Variants in PURG observed in about 807,000 individuals in gnomAD.
PURG encodes the protein purine-rich element-binding protein gamma.
Under a neutral mutation model 24.3 loss-of-function variants are expected in PURG, and 3 were observed. That is an observed-to-expected ratio of 0.12 (90% CI 0.06 to 0.32). The LOEUF is 0.32. Among genes scored for constraint, PURG ranks in the 10% least tolerant of loss-of-function variants. The pLI is 1.00. For synonymous variants in PURG, 180 were observed against 173.1 expected, an observed-to-expected ratio of 1.04 and a Z score of -0.31; for missense variants, 371 against 439.1, an observed-to-expected ratio of 0.84 and a Z score of 1.39.
chr8:31,016,223 T>C (rs1221997190), intron 1 of PURG, among the ~76,000 whole-genome samples: 1 of 149,982 alleles, frequency 6.7e-6, no homozygotes, highest in Non-Finnish European at 1.5e-5. Flanking sequence ...CTATCAAAAA[T>C]ACAAAAATTA....
chr8:31,000,226 G>A (rs961979213), intron 1 of PURG, among the ~76,000 whole-genome samples: 16 of 151,998 alleles, frequency 1.1e-4, no homozygotes, highest in Admixed American at 3.9e-4. Context: ...AATGTTCAGA[G>A]ATAATATAAT....
Position 31,012,887 on chromosome 8 carries a change from A to T in PURG, c.865-16190T>A, listed in dbSNP as rs1181546338. On this transcript the variant is annotated intron_variant, in intron 1 of 1. Transcript: ENST00000339382. Reference sequence around the variant, plus strand: ...TAGTAGTCCAAATAATACACAACTAATTTTTGGAGTTTATTAATTATAGCA... The same window carrying T: ...TAGTAGTCCAAATAATACACAACTATTTTTTGGAGTTTATTAATTATAGCA... 4.6e-5 allele frequency among the ~76,000 whole-genome samples: 7 copies of T among 152,208 alleles called. No homozygotes were observed. In the South Asian group the frequency reaches 6.2e-4, roughly 13 times the overall value.
chr8:30,998,989 T>G (rs1328240178), intron 1 of PURG, among the ~76,000 whole-genome samples: 2 of 151,902 alleles, frequency 1.3e-5, no homozygotes, highest in Admixed American at 6.6e-5. Context: ...TATTTATTTT[T>G]ATTTTGTTTC....
At chr8:31,012,128 G>C (rs1339665523) in intron 1 of PURG, among the ~76,000 whole-genome samples, 1 of 152,214 alleles carries the variant, frequency 6.6e-6, no homozygotes, top group Non-Finnish European at 1.5e-5. Flanking sequence ...CCAGTGCAAG[G>C]TGGAGAGGGG....
In PURG at chr8:31,033,350, C is replaced by A. The variant is rs1013171204; in HGVS notation, c.-279G>T. The A allele has an allele frequency of 6.4e-6, 1 of 155,326 alleles. No individual in the cohort carries two copies. Among genetic ancestry groups the A allele is most frequent in the Non-Finnish European group, 1.4e-5 (1 of 70,902 alleles). The allele number at this position is 155,326 out of a possible 1,614,324, so 9.6% of individuals were successfully genotyped here. ...CGCCAGGAGGGGAGGGAAGGGGAGGCGGGGAGAGCGACGGCGGGGGGCGGG... is the reference window on the plus strand; with the variant it reads ...CGCCAGGAGGGGAGGGAAGGGGAGGAGGGGAGAGCGACGGCGGGGGGCGGG... On this transcript the variant is annotated 5_prime_UTR_variant, in exon 1 of 2. Transcript: ENST00000523392.
intron 1 of PURG, among the ~76,000 whole-genome samples, chr8:31,010,229 G>A (rs142238863): frequency 6.6e-6 from 1 of 152,326 alleles, no homozygotes; most frequent in East Asian, 1.9e-4. Context: ...CACTTTTAGA[G>A]GGCTATTCTG....
chr8:31,009,287 G>A (rs1183524133), intron 1 of PURG, among the ~76,000 whole-genome samples: 3 of 152,104 alleles, frequency 2.0e-5, no homozygotes, highest in Non-Finnish European at 2.9e-5. Context: ...TTAGCTGGGC[G>A]TGGTGACATA....
chr8:31,010,154 G>A (rs895776903), intron 1 of PURG, among the ~76,000 whole-genome samples: 8 of 152,128 alleles, frequency 5.3e-5, no homozygotes, highest in African/African-American at 4.8e-5. Flanking sequence ...AGATTTACTC[G>A]CTGTTTAATT....
Position 31,032,921 on chromosome 8 carries a change from G to T in PURG, c.-6-133C>A. On this transcript the variant is annotated intron_variant, in intron 1 of 1. Transcript: ENST00000523392. The surrounding 1 kb of genome is among the most constrained non-coding windows in gnomAD (Gnocchi z 5.9). ...CGGGCCCGGCTCCCCCGGCGCCGCA[G>T]CGCGGGGCTCCAGCCACTGCCGGCC... 1.8e-6 allele frequency: 1 copy of T among 551,434 alleles called. No individual in the cohort carries two copies. The highest frequency in any genetic ancestry group is 2.5e-6 in the Non-Finnish European group (1 of 404,440). 34.2% of individuals were successfully genotyped at this position (551,434 alleles called of 1,614,324 possible). A position where few individuals can be genotyped will look rare whatever the true frequency, so the allele number is the denominator to read the frequency against.
chr8:31,009,917 T>G (rs1308636306), intron 1 of PURG, among the ~76,000 whole-genome samples: 1 of 152,022 alleles, frequency 6.6e-6, no homozygotes, highest in African/African-American at 2.4e-5. Context: ...GGGAACATAG[T>G]GAGACCCTGT....
In PURG at chr8:30,996,686, G is replaced by T. The variant is rs771984899; in HGVS notation, c.876C>A (p.Tyr292Ter). 6 of 1,610,540 alleles carry T rather than the reference G, an allele frequency of 3.7e-6. No individual in the cohort carries two copies. The highest frequency in any genetic ancestry group is 5.1e-6 in the Non-Finnish European group (6 of 1,177,412). ...GGTTGATATTCTCTCTGGATTTGGG[G>T]TAATTTGTGAGCTAAAGAAAAAATA... The change falls in exon 2 of 2, where the codon TAC becomes TAA. Residue 292 changes from tyrosine to a stop codon, truncating the protein, a stop_gained. Transcript: ENST00000339382. LOFTEE classifies it high-confidence loss of function.
At chr8:31,020,279 T>C (rs1490447658) in intron 1 of PURG, among the ~76,000 whole-genome samples, 1 of 152,186 alleles carries the variant, frequency 6.6e-6, no homozygotes, top group Non-Finnish European at 1.5e-5. Context: ...GCTCTAGCCT[T>C]TAAATTCTGT....
intron 1 of PURG, among the ~76,000 whole-genome samples, chr8:31,009,261 C>G (rs930182060): frequency 6.6e-6 from 1 of 151,996 alleles, no homozygotes; most frequent in East Asian, 1.9e-4. Context: ...CCCATCTCTT[C>G]CAAAGAATAC....
chr8:31,003,276 G>GA (rs1810575531), intron 1 of PURG, among the ~76,000 whole-genome samples: 1 of 152,126 alleles, frequency 6.6e-6, no homozygotes, highest in Admixed American at 6.6e-5. Flanking sequence ...AGTCGTAGGT[G>GA]AAAGAAATAA....
At chr8:31,019,666 G>A (rs1810956758) in intron 1 of PURG, among the ~76,000 whole-genome samples, 1 of 150,126 alleles carries the variant, frequency 6.7e-6, no homozygotes, top group Non-Finnish European at 1.5e-5. Context: ...TTGTGAGATG[G>A]AGTCTCACTC....
intron 1 of PURG, among the ~76,000 whole-genome samples, chr8:31,016,577 GAACCAAAAAAAAAAAAAA>G (rs1810871006): frequency 2.7e-5 from 1 of 37,330 alleles, no homozygotes. Flanking sequence ...AGTCTACCAA[GAACCAAAAAAAAAAAAAA>G]AAAAAAAAAA....
intron 1 of PURG, among the ~76,000 whole-genome samples, chr8:31,002,875 C>A (rs1810566209): frequency 6.6e-6 from 1 of 152,200 alleles, no homozygotes; most frequent in Non-Finnish European, 1.5e-5. Flanking sequence ...TCATCTGGAA[C>A]AAACATTATC....
At chr8:30,999,832 T>C (rs1810500712) in intron 1 of PURG, among the ~76,000 whole-genome samples, 1 of 152,150 alleles carries the variant, frequency 6.6e-6, no homozygotes, top group Admixed American at 6.6e-5. Flanking sequence ...ACTAAGAGAC[T>C]TTGTGATTAT....
intron 1 of PURG, among the ~76,000 whole-genome samples, chr8:31,022,493 C>A (rs1332258741): frequency 6.6e-6 from 1 of 152,158 alleles, no homozygotes; most frequent in Non-Finnish European, 1.5e-5. Context: ...ATAGATCAAG[C>A]TCACAGGGCA....
Sources: gnomAD v4.1 joint callset for allele counts (sites outside exome capture counted in the v4.1 genomes callset) on GRCh38, gnomAD v4.1.1 for gene constraint, Gnocchi (gnomAD v3.1) non-coding constraint, MANE v1.5 for transcripts, NCBI Gene and HGNC (gene_info 2026-07-23, HGNC 2026-07-21) for gene names.